The following DONSON variants were observed in gnomAD, a reference collection of about 807,000 sequenced individuals.
The protein encoded by DONSON is protein downstream neighbor of Son.
DONSON carries 43 observed loss-of-function variants against 62.1 expected under a neutral mutation model. The observed-to-expected ratio is 0.69, with a 90% CI of 0.54 to 0.89. The LOEUF (loss-of-function observed/expected upper bound fraction) is 0.89, where lower values mean the gene tolerates loss of function less well. Ranked by LOEUF, DONSON falls within the 40% of genes least tolerant of loss-of-function variation. The pLI, the probability that DONSON is intolerant of heterozygous loss-of-function variation, is 0.00. For missense variants in DONSON, 696 were observed against 697.5 expected (o/e 1.00, Z 0.03); for synonymous variants, 266 against 264.6 (o/e 1.01, Z -0.05).
At chr21:33,588,049 TCCTCGCTGCCCTCTGGGGCCC>T (rs1276392902) in intron 1 of DONSON, among the ~76,000 whole-genome samples, 1 of 152,102 alleles carries the variant, frequency 6.6e-6, no homozygotes, top group Admixed American at 6.5e-5. Flanking sequence ...TCCAAGGGGC[TCCTCGCTGCCCTCTGGGGCCC>T]CCTCACTTTC....
rs2086517218 is a variant in DONSON at position 33,582,025 on chromosome 21, C to G, written c.1077G>C (p.Glu359Asp). Residue 359 changes from glutamate to aspartate, a missense_variant, in exon 7 of 10, where the codon GAG becomes GAC. Transcript: ENST00000303071. Reference sequence around the variant, plus strand: ...TCTCTTCCAGCCAGGAAAAACTTTCCTCTTCATCCTCATCACTGATGGCTT... The same window carrying G: ...TCTCTTCCAGCCAGGAAAAACTTTCGTCTTCATCCTCATCACTGATGGCTT... ...EEQAISDEDE[E>D]ESFSWLEEMG... The G allele has an allele frequency of 1.2e-6, 2 of 1,614,016 alleles. No homozygotes were observed. The highest frequency in any genetic ancestry group is 1.3e-5 in the African/African-American group (1 of 74,920).
At chr21:33,580,636 A>C (rs1389255059) in intron 8 of DONSON, among the ~76,000 whole-genome samples, 4 of 151,330 alleles carry the variant, frequency 2.6e-5, no homozygotes, top group Admixed American at 2.6e-4. Flanking sequence ...CAACCAAAAA[A>C]AGAAAATAAA....
At position 33,586,460 on chromosome 21, in the gene DONSON, T is replaced by C. The variant is rs148685935; in HGVS notation, c.403-279A>G. Among the ~76,000 whole-genome samples the C allele has an allele frequency of 3.9e-5, 6 of 152,144 alleles. No homozygotes were observed. In the East Asian group the frequency reaches 9.6e-4, roughly 24 times the overall value. On this transcript the variant is annotated intron_variant, in intron 2 of 9. Coordinates refer to ENST00000303071, the MANE Select transcript of DONSON (RefSeq NM_017613.4). The stretch of plus-strand genomic sequence containing the variant: ...GTTTTTACAGTTCTTTATGGTAGTA[T>C]AGATGTTTGTATTGAAGTAGAAATA...
chr21:33,587,194 G>A (rs1430329677), intron 2 of DONSON, among the ~76,000 whole-genome samples: 2 of 152,180 alleles, frequency 1.3e-5, no homozygotes, highest in East Asian at 3.9e-4. Context: ...GGCCAGGAGG[G>A]CTGGCTCTGA....
intron 3 of DONSON, 74 bp from the exon 4 acceptor site, chr21:33,584,842 C>T: frequency 8.1e-7 from 1 of 1,233,138 alleles, no homozygotes; most frequent in East Asian, 2.6e-5. Flanking sequence ...ACAATCTTTA[C>T]CAAACACTTA....
At position 33,579,553 on chromosome 21, in the gene DONSON, C is replaced by T; in HGVS notation, c.1360G>A (p.Val454Met). ...ATMQMLKARS[V>M]NVKTQALSGY... ...GAAAGAGCTTGTGTCTTCACATTCA[C>T]ACTCCGTGCCTTCATGAAAATGTAA... Residue 454 changes from valine (V) to methionine (M), a missense_variant, in exon 9 of 10, where the codon GTG (valine) becomes ATG (methionine). Coordinates refer to ENST00000303071, the MANE Select transcript of DONSON (RefSeq NM_017613.4). 6.2e-7 allele frequency: 1 copy of T among 1,611,214 alleles called. No homozygotes were observed. The highest frequency in any genetic ancestry group is 8.5e-7 in the Non-Finnish European group (1 of 1,178,302).
Position 33,577,910 on chromosome 21 carries a change from G to C in DONSON, c.*397C>G, listed in dbSNP as rs1306395390. On this transcript the variant is annotated 3_prime_UTR_variant, in exon 10 of 10. Transcript: ENST00000303071. ...TCACCAATCAACTAGCTCAGTAGATGTTGTCTGTATTTATTTTCTACCTTT... is the reference window on the plus strand; with the variant it reads ...TCACCAATCAACTAGCTCAGTAGATCTTGTCTGTATTTATTTTCTACCTTT... 6.4e-6 allele frequency: 1 copy of C among 155,982 alleles called. No homozygotes were observed. Among genetic ancestry groups the C allele is most frequent in the East Asian group, 1.9e-4 (1 of 5,306 alleles). The allele number at this position is 155,982 out of a possible 1,614,324, so 9.7% of individuals were successfully genotyped here.
chr21:33,588,680 G>T lies in DONSON; in HGVS notation c.-39C>A. The T allele has an allele frequency of 8.2e-7, 1 of 1,223,118 alleles. No homozygotes were observed. The highest frequency in any genetic ancestry group is 4.0e-5 in the South Asian group (1 of 24,934). 75.8% of individuals were successfully genotyped at this position (1,223,118 alleles called of 1,614,324 possible). On this transcript the variant is annotated 5_prime_UTR_variant, in exon 1 of 10. Coordinates refer to ENST00000303071, the MANE Select transcript of DONSON (RefSeq NM_017613.4). ...TGAGGGTAGCCGGCCGCCCTACAGA[G>T]ACTTCCCGCGCGCGCCGGGCCCGCC...
intron 4 of DONSON, 91 bp downstream of exon 4, chr21:33,584,499 C>T: frequency 8.1e-7 from 1 of 1,234,576 alleles, no homozygotes; most frequent in Non-Finnish European, 1.1e-6. Context: ...TACCCTTCTG[C>T]CATTAACGTA....
intron 8 of DONSON, among the ~76,000 whole-genome samples, chr21:33,580,980 A>G (rs897843538): frequency 3.3e-5 from 5 of 152,084 alleles, no homozygotes; most frequent in African/African-American, 1.2e-4. Context: ...AGGCTGAGGC[A>G]TGGCGCGAGA....
chr21:33,583,449 A>G (rs2086540310), intron 5 of DONSON, 39 bp downstream of exon 5: 1 of 1,570,520 alleles, frequency 6.4e-7, no homozygotes, highest in South Asian at 1.1e-5. Context: ...TAGGTTTACT[A>G]TATAGTATAG....
intron 8 of DONSON, among the ~76,000 whole-genome samples, chr21:33,580,023 C>T (rs1343153302): frequency 6.6e-6 from 1 of 151,566 alleles, no homozygotes; most frequent in Non-Finnish European, 1.5e-5. Context: ...GGTGAAACCT[C>T]GTCTCTATTA....
intron 1 of DONSON, among the ~76,000 whole-genome samples, chr21:33,588,036 C>T (rs181209552): frequency 2.0e-5 from 3 of 152,306 alleles, no homozygotes; most frequent in Admixed American, 2.0e-4. Context: ...CCTCTAAGTC[C>T]TCTCCAAGGG....
chr21:33,588,611 C>G lies in DONSON; in HGVS notation c.31G>C (p.Gly11Arg). The G allele has an allele frequency of 8.0e-7, 1 of 1,247,754 alleles. No individual in the cohort carries two copies. The highest frequency in any genetic ancestry group is 1.0e-6 in the Non-Finnish European group (1 of 994,780). 77.3% of individuals were successfully genotyped at this position (1,247,754 alleles called of 1,614,324 possible). A position where few individuals can be genotyped will look rare whatever the true frequency, so the allele number is the denominator to read the frequency against. The change falls in exon 1 of 10, where the codon GGC becomes CGC. Residue 11 changes from glycine (G) to arginine (R), a missense_variant. Gly to Arg is a moderately radical substitution (Grantham distance 125). Transcript: ENST00000303071. MALSVPGYSP[G>R]FRKPPEVVRL... ...ACTACCTCGGGCGGCTTTCGGAAGC[C>G]CGGTGAGTAGCCGGGCACCGAAAGG...
chr21:33,581,111 A>G (rs1332740630), intron 8 of DONSON, 191 bp downstream of exon 8: 4 of 531,464 alleles, frequency 7.5e-6, no homozygotes, highest in African/African-American at 1.9e-5. Context: ...ATTTCATATA[A>G]TTTATATATT....
At chr21:33,583,102 G>A (rs1488723522) in intron 5 of DONSON, among the ~76,000 whole-genome samples, 2 of 150,592 alleles carry the variant, frequency 1.3e-5, no homozygotes, top group East Asian at 2.0e-4. Context: ...TCGGGAGGCT[G>A]AGGCAGGAGA....
At chr21:33,587,489 A>C in intron 2 of DONSON, 33 bp downstream of exon 2, 1 of 1,545,704 alleles carries the variant, frequency 6.5e-7, no homozygotes, top group Non-Finnish European at 8.7e-7. Context: ...GTTTATACAA[A>C]TACACATTCT....
intron 8 of DONSON, among the ~76,000 whole-genome samples, chr21:33,579,795 AT>A (rs1397935085): frequency 6.6e-6 from 1 of 152,146 alleles, no homozygotes; most frequent in East Asian, 1.9e-4. Context: ...AGAGAATACC[AT>A]TTTTTCATAT....
At chr21:33,585,454 T>TC (rs2086567322) in intron 3 of DONSON, among the ~76,000 whole-genome samples, 1 of 134,470 alleles carries the variant, frequency 7.4e-6, no homozygotes, top group South Asian at 2.4e-4. Flanking sequence ...TCTCAAGCAA[T>TC]CCCCCCACCT....
Sources: allele counts gnomAD v4.1 joint callset (sites outside exome capture counted in the v4.1 genomes callset), GRCh38; gene constraint gnomAD v4.1.1; transcripts MANE v1.5; gene names NCBI Gene and HGNC (gene_info 2026-07-23, HGNC 2026-07-21).